The following CNTN4 variants were observed in gnomAD, a reference collection of about 807,000 sequenced individuals.
CNTN4 encodes the protein contactin 4.
Under a neutral mutation model 122.5 loss-of-function variants are expected in CNTN4, and 77 were observed. The ratio of observed to expected loss-of-function variants is 0.63; its 90% CI spans 0.52 to 0.76. CNTN4 has a LOEUF of 0.76. CNTN4 is among the 30% of genes least tolerant of loss of function. The pLI, the probability that CNTN4 is intolerant of heterozygous loss-of-function variation, is 0.00. For missense variants in CNTN4, 1,256 were observed against 1,259.1 expected, an observed-to-expected ratio of 1.00 and a Z score of 0.04; for synonymous variants, 512 against 447.0, an observed-to-expected ratio of 1.15 and a Z score of -1.83.
intron 3 of CNTN4, among the ~76,000 whole-genome samples, chr3:2,507,334 G>C (rs1039775250): frequency 2.6e-5 from 4 of 152,108 alleles, no homozygotes; most frequent in African/African-American, 9.6e-5. Context: ...CCAAAAATCA[G>C]GGTTTTTTTT....
chr3:2,411,588 C>T (rs1196344988), intron 3 of CNTN4, among the ~76,000 whole-genome samples: 1 of 152,044 alleles, frequency 6.6e-6, no homozygotes, highest in Non-Finnish European at 1.5e-5. Flanking sequence ...CTTGGAATTC[C>T]AAAATTCCCA....
intron 2 of CNTN4, among the ~76,000 whole-genome samples, chr3:2,337,574 G>C (rs140600005): frequency 1.3e-5 from 2 of 152,158 alleles, no homozygotes; most frequent in African/African-American, 4.8e-5. Flanking sequence ...ATCAATTAAA[G>C]AATTGTTCAA....
chr3:2,479,665 T>G (rs181724578), intron 3 of CNTN4, among the ~76,000 whole-genome samples: 1 of 152,316 alleles, frequency 6.6e-6, no homozygotes, highest in African/African-American at 2.4e-5. Context: ...GTAGCTTCCC[T>G]GGGTGTGCCT....
At chr3:2,883,352 A>C in intron 9 of CNTN4, 105 bp downstream of exon 9, 1 of 801,828 alleles carries the variant, frequency 1.2e-6, no homozygotes, top group Non-Finnish European at 2.1e-6. Flanking sequence ...ACGGAAAAGC[A>C]AGTGAAGCCT....
chr3:2,723,995 CT>C (rs1335357361), intron 4 of CNTN4, among the ~76,000 whole-genome samples: 1 of 152,084 alleles, frequency 6.6e-6, no homozygotes, highest in Non-Finnish European at 1.5e-5. Context: ...ACCATTTTTA[CT>C]TTGTAGAGAG....
At chr3:2,358,341 T>C (rs2150515698) in intron 3 of CNTN4, among the ~76,000 whole-genome samples, 1 of 152,206 alleles carries the variant, frequency 6.6e-6, no homozygotes, top group African/African-American at 2.4e-5. Flanking sequence ...AATGACAGCA[T>C]ATTTAAAAGC....
At chr3:2,657,967 G>A (rs1022815055) in intron 4 of CNTN4, among the ~76,000 whole-genome samples, 35 of 150,438 alleles carry the variant, frequency 2.3e-4, no homozygotes, top group African/African-American at 6.1e-4. Flanking sequence ...GGTGGTAACT[G>A]AAGCCATGAG....
intron 4 of CNTN4, among the ~76,000 whole-genome samples, chr3:2,724,916 A>G (rs976348495): frequency 1.3e-5 from 2 of 151,966 alleles, no homozygotes; most frequent in Non-Finnish European, 2.9e-5. Flanking sequence ...GGAGCGTTGG[A>G]GAGATAGCTG....
intron 8 of CNTN4, among the ~76,000 whole-genome samples, chr3:2,874,780 A>G (rs1427547908): frequency 6.6e-5 from 10 of 152,186 alleles, no homozygotes; most frequent in African/African-American, 2.2e-4. Flanking sequence ...GAGTCAGACA[A>G]TCTAAGATAA....
intron 2 of CNTN4, among the ~76,000 whole-genome samples, chr3:2,300,989 G>A (rs979913400): frequency 6.6e-6 from 1 of 152,164 alleles, no homozygotes; most frequent in African/African-American, 2.4e-5. Flanking sequence ...TGACAGCTTA[G>A]TAAATGATCC....
intron 3 of CNTN4, among the ~76,000 whole-genome samples, chr3:2,452,286 G>T (rs1371554202): frequency 6.6e-6 from 1 of 152,100 alleles, no homozygotes. Context: ...CATCCCATCT[G>T]AGCCCCAGCA....
chr3:2,211,869 T>C (rs751553190), intron 2 of CNTN4, among the ~76,000 whole-genome samples: 3 of 152,224 alleles, frequency 2.0e-5, no homozygotes, highest in African/African-American at 4.8e-5. Flanking sequence ...ATATACTGTA[T>C]AGGGTATGTT....
chr3:2,792,316 C>T (rs1319439567), intron 6 of CNTN4, among the ~76,000 whole-genome samples: 5 of 152,172 alleles, frequency 3.3e-5, no homozygotes, highest in Non-Finnish European at 7.3e-5. Context: ...ATTTCTACTA[C>T]ACAACAATCT....
At chr3:2,348,820 T>C (rs1278579968) in intron 3 of CNTN4, among the ~76,000 whole-genome samples, 1 of 152,160 alleles carries the variant, frequency 6.6e-6, no homozygotes, top group Non-Finnish European at 1.5e-5. Flanking sequence ...AAACAAGAAT[T>C]AATACCAGGT....
chr3:2,997,542 T>C (rs550106630), intron 14 of CNTN4, among the ~76,000 whole-genome samples: 23 of 152,302 alleles, frequency 1.5e-4, no homozygotes, highest in Non-Finnish European at 2.9e-4. Context: ...AAAGAGGCAG[T>C]CCTACCAAAT....
At chr3:2,817,439 T>C (rs943525216) in intron 6 of CNTN4, among the ~76,000 whole-genome samples, 2 of 152,236 alleles carry the variant, frequency 1.3e-5, no homozygotes, top group Non-Finnish European at 2.9e-5. Context: ...TTTCAATTAA[T>C]GACTAATAAA....
At chr3:2,148,008 T>A (rs994537173) in intron 2 of CNTN4, among the ~76,000 whole-genome samples, 1 of 152,140 alleles carries the variant, frequency 6.6e-6, no homozygotes, top group Non-Finnish European at 1.5e-5. Context: ...TCTATTGATG[T>A]TGATTTCTCT....
At chr3:3,040,699 G>T (rs11129393) in intron 20 of CNTN4, among the ~76,000 whole-genome samples, 52,100 of 152,076 alleles carry the variant, frequency 0.34, 10,317 homozygotes, top group East Asian at 0.58. Flanking sequence ...AGGCCAAGGC[G>T]GGTGGATCAC....
chr3:2,302,974 T>G (rs2042577770), intron 2 of CNTN4, among the ~76,000 whole-genome samples: 1 of 152,218 alleles, frequency 6.6e-6, no homozygotes, highest in Admixed American at 6.5e-5. Context: ...TGGAAGAAGC[T>G]GCTTTGTTTA....
Sources: gnomAD v4.1 joint callset for allele counts (sites outside exome capture counted in the v4.1 genomes callset) on GRCh38, gnomAD v4.1.1 for gene constraint, MANE v1.5 for transcripts, NCBI Gene and HGNC (gene_info 2026-07-23, HGNC 2026-07-21) for gene names.